SGCZ: variants seen among roughly 807,000 people sequenced by gnomAD.
SGCZ encodes the protein zeta-sarcoglycan.
A neutral mutation model predicts 41.3 loss-of-function variants in SGCZ; 40 were observed. The ratio of observed to expected loss-of-function variants is 0.97; its 90% CI spans 0.75 to 1.26. The LOEUF is 1.26. Among genes scored for constraint, SGCZ ranks in the 50% most tolerant of loss-of-function variants. The probability of loss-of-function intolerance (pLI) is 0.00; values close to 1 mark genes in which losing one functional copy is unlikely to be tolerated. For synonymous variants in SGCZ, 206 were observed against 137.5 expected (o/e 1.50, Z -3.49); for missense variants, 552 against 369.8 (o/e 1.49, Z -4.04).
At chr8:14,846,790 C>A in intron 1 of SGCZ, among the ~76,000 whole-genome samples, 1 of 150,996 alleles carries the variant, frequency 6.6e-6, no homozygotes, top group Non-Finnish European at 1.5e-5. Context: ...GAATACCAGG[C>A]CAGAAGCAGT....
chr8:14,758,515 C>A (rs983148618), intron 1 of SGCZ, among the ~76,000 whole-genome samples: 6 of 152,088 alleles, frequency 3.9e-5, no homozygotes, highest in Admixed American at 2.0e-4. Context: ...GAAGTTGAAT[C>A]ATTCCTGAGA....
intron 2 of SGCZ, among the ~76,000 whole-genome samples, chr8:14,510,358 ATTAAAG>A (rs936643943): frequency 4.6e-5 from 7 of 152,262 alleles, no homozygotes; most frequent in African/African-American, 9.6e-5. Flanking sequence ...TTGGAATTAA[ATTAAAG>A]TTAAAGTTAT....
chr8:14,282,654 C>T (rs1800485950), intron 3 of SGCZ, among the ~76,000 whole-genome samples: 1 of 152,088 alleles, frequency 6.6e-6, no homozygotes. Flanking sequence ...AAACTGAAGC[C>T]TGCATATTCT....
At chr8:14,522,984 T>A (rs574831577) in intron 2 of SGCZ, among the ~76,000 whole-genome samples, 16 of 152,078 alleles carry the variant, frequency 1.1e-4, no homozygotes, top group African/African-American at 3.6e-4. Flanking sequence ...GTATAATATT[T>A]TGGAGGTTAC....
At chr8:14,691,702 G>C (rs1043023827) in intron 1 of SGCZ, among the ~76,000 whole-genome samples, 2 of 151,966 alleles carry the variant, frequency 1.3e-5, no homozygotes, top group South Asian at 2.1e-4. Context: ...AGTTATGTTA[G>C]TCAGATTTAA....
chr8:14,482,458 C>G (rs1035013230), intron 2 of SGCZ, among the ~76,000 whole-genome samples: 1 of 152,160 alleles, frequency 6.6e-6, no homozygotes, highest in Non-Finnish European at 1.5e-5. Context: ...CCTTTAATCT[C>G]CCTTACCGCT....
chr8:14,324,823 G>A (rs774913431), intron 2 of SGCZ, among the ~76,000 whole-genome samples: 1 of 152,080 alleles, frequency 6.6e-6, no homozygotes, highest in African/African-American at 2.4e-5. Context: ...ATTAAAGAAA[G>A]GAGGTTTTAT....
intron 7 of SGCZ, among the ~76,000 whole-genome samples, chr8:14,094,404 G>C (rs1801780643): frequency 6.6e-6 from 1 of 151,914 alleles, no homozygotes; most frequent in South Asian, 2.1e-4. Context: ...TTCTGTTCTT[G>C]TGTTAGTTTG....
intron 1 of SGCZ, among the ~76,000 whole-genome samples, chr8:14,954,229 A>G (rs973733569): frequency 2.6e-5 from 4 of 152,150 alleles, no homozygotes; most frequent in Non-Finnish European, 5.9e-5. Flanking sequence ...ATCTTCCACT[A>G]TTTGCAAGGT....
In SGCZ at chr8:14,086,233, A is replaced by G. The variant is rs932247135; in HGVS notation, c.*4210T>C. Among the ~76,000 whole-genome samples, 2 of 151,730 alleles carry G rather than the reference A, an allele frequency of 1.3e-5. No homozygotes were observed. The highest frequency in any genetic ancestry group is 4.8e-5 in the African/African-American group (2 of 41,414). ...GAATTTGGCTTTGAGGATTTTATAG[A>G]AAATTTGGCTATTAAATACTTTCAA... On this transcript the variant is annotated 3_prime_UTR_variant, in exon 8 of 8. Coordinates refer to ENST00000382080, the MANE Select transcript of SGCZ (RefSeq NM_139167.4).
intron 1 of SGCZ, among the ~76,000 whole-genome samples, chr8:14,901,611 C>T (rs899558302): frequency 1.1e-4 from 17 of 151,894 alleles, no homozygotes; most frequent in South Asian, 4.2e-4. Flanking sequence ...TGAAAATTTT[C>T]GGGTGAAAAA....
In SGCZ at chr8:14,398,757, A is replaced by G. The variant is rs1365675829; in HGVS notation, c.235-74553T>C. On this transcript the variant is annotated intron_variant, in intron 2 of 7. Coordinates refer to ENST00000382080, the MANE Select transcript of SGCZ (RefSeq NM_139167.4). The stretch of plus-strand genomic sequence containing the variant: ...ATGCATTGTTAAACTACAGAGTCTG[A>G]GTTATAATGTCCAGCATTGATGTTT... Among the ~76,000 whole-genome samples the G allele has an allele frequency of 2.0e-5, 3 of 152,130 alleles. No individual in the cohort carries two copies. In the East Asian group the frequency reaches 5.8e-4, roughly 29 times the overall value.
At chr8:15,161,587 G>T (rs1158721324) in intron 1 of SGCZ, among the ~76,000 whole-genome samples, 7 of 152,122 alleles carry the variant, frequency 4.6e-5, no homozygotes. Flanking sequence ...TTGTATGAAT[G>T]AATGAATTAA....
intron 3 of SGCZ, among the ~76,000 whole-genome samples, chr8:14,267,290 A>C (rs1799906008): frequency 6.6e-6 from 1 of 152,090 alleles, no homozygotes; most frequent in Non-Finnish European, 1.5e-5. Flanking sequence ...AAAGAGCTCA[A>C]AATGAATCTA....
At chr8:15,001,953 G>C (rs73519094) in intron 1 of SGCZ, among the ~76,000 whole-genome samples, 6 of 151,952 alleles carry the variant, frequency 3.9e-5, no homozygotes, top group Non-Finnish European at 7.4e-5. Flanking sequence ...AGCTTTTGAG[G>C]GTTGAATAAA....
intron 3 of SGCZ, among the ~76,000 whole-genome samples, chr8:14,238,690 T>C (rs1172356725): frequency 6.6e-6 from 1 of 152,166 alleles, no homozygotes; most frequent in East Asian, 1.9e-4. Flanking sequence ...TACAAATCTC[T>C]ATTAATTTAT....
At chr8:14,340,692 T>A (rs141879276) in intron 2 of SGCZ, among the ~76,000 whole-genome samples, 1 of 152,182 alleles carries the variant, frequency 6.6e-6, no homozygotes, top group African/African-American at 2.4e-5. Flanking sequence ...GACTAATGCA[T>A]CCACTGATAA....
At chr8:14,203,776 G>A (rs1805531062) in intron 4 of SGCZ, among the ~76,000 whole-genome samples, 1 of 152,248 alleles carries the variant, frequency 6.6e-6, no homozygotes, top group African/African-American at 2.4e-5. Context: ...TAGTATTGAT[G>A]GGGAGAATTA....
intron 1 of SGCZ, among the ~76,000 whole-genome samples, chr8:14,947,426 T>A (rs1032958636): frequency 6.6e-6 from 1 of 152,144 alleles, no homozygotes; most frequent in African/African-American, 2.4e-5. Flanking sequence ...TCTTTCTTTG[T>A]CCTGATGTGG....
Sources: allele counts gnomAD v4.1 joint callset (sites outside exome capture counted in the v4.1 genomes callset), GRCh38; gene constraint gnomAD v4.1.1; transcripts MANE v1.5; gene names NCBI Gene and HGNC (gene_info 2026-07-23, HGNC 2026-07-21).